STAG1: variants seen among roughly 807,000 people sequenced by gnomAD.
STAG1 encodes the protein STAG1 cohesin complex component, also known as cohesin subunit SA-1.
Under a neutral mutation model 170.9 loss-of-function variants are expected in STAG1, and 26 were observed. The ratio of observed to expected loss-of-function variants is 0.15; its 90% CI spans 0.11 to 0.21. STAG1 has a LOEUF of 0.21. STAG1 is among the 10% of genes least tolerant of loss of function. The pLI is 1.00. For synonymous variants in STAG1, 514 were observed against 497.7 expected (o/e 1.03, Z -0.44); for missense variants, 964 against 1,509.5 (o/e 0.64, Z 5.99).
intron 1 of STAG1, among the ~76,000 whole-genome samples, chr3:136,668,780 T>C (rs555735284): frequency 5.1e-4 from 78 of 152,332 alleles, no homozygotes; most frequent in African/African-American, 1.8e-3. Flanking sequence ...CTCAATGATG[T>C]AGCCAATCCC....
At position 136,707,411 on chromosome 3, in the gene STAG1, G is replaced by A. The variant is rs776861442; in HGVS notation, c.-84+44784C>T. On this transcript the variant is annotated intron_variant, in intron 1 of 33. Transcript: ENST00000383202. The stretch of plus-strand genomic sequence containing the variant: ...AGACATTTTTCCAAAGAAGATAAAC[G>A]AATGGCCAACAAGCACATGAAAAAA... Among the ~76,000 whole-genome samples, 43 of 152,060 alleles carry A rather than the reference G, an allele frequency of 2.8e-4. 1 individual carries two copies. The highest frequency in any genetic ancestry group is 3.2e-3 in the Middle Eastern group (1 of 316).
At chr3:136,443,450 AACT>A (rs751821279) in intron 14 of STAG1, 46 bp from the exon 15 acceptor site, 10 of 1,249,252 alleles carry the variant, frequency 8.0e-6, no homozygotes, top group Non-Finnish European at 1.2e-5. Context: ...TTAATAAAGA[AACT>A]ACTAATACTA....
At chr3:136,533,385 A>AT (rs1016398541) in intron 6 of STAG1, among the ~76,000 whole-genome samples, 2 of 151,626 alleles carry the variant, frequency 1.3e-5, no homozygotes, top group African/African-American at 4.8e-5. Flanking sequence ...TTTTATTTTT[A>AT]TTTTTTGCAT....
intron 6 of STAG1, among the ~76,000 whole-genome samples, chr3:136,529,305 A>C (rs554541972): frequency 6.6e-6 from 1 of 152,328 alleles, no homozygotes; most frequent in East Asian, 1.9e-4. Flanking sequence ...CAAGAGGCTA[A>C]GATCCAAAAA....
rs1936159090 is a variant in STAG1 at position 136,546,442 on chromosome 3, T to C, written c.395-4247A>G. ...GATATTATTAAAGAAAATCGAGAAC[T>C]CAGGCAAAAATTACACATTAGAGAC... On this transcript the variant is annotated intron_variant, in intron 5 of 33. Coordinates refer to ENST00000383202, the MANE Select transcript of STAG1 (RefSeq NM_005862.3). Among the ~76,000 whole-genome samples the C allele has an allele frequency of 2.6e-5, 4 of 152,032 alleles. 1 individual carries two copies. Among genetic ancestry groups the C allele is most frequent in the Admixed American group, 2.6e-4 (4 of 15,256 alleles).
At chr3:136,723,782 TG>T (rs1381120804) in intron 1 of STAG1, among the ~76,000 whole-genome samples, 10 of 111,620 alleles carry the variant, frequency 9.0e-5, no homozygotes, top group Non-Finnish European at 1.1e-4. Flanking sequence ...GGGAAGGAGG[TG>T]GGGGGGTCAG....
intron 6 of STAG1, among the ~76,000 whole-genome samples, chr3:136,535,304 G>A (rs1169916823): frequency 1.3e-5 from 2 of 152,190 alleles, no homozygotes; most frequent in Admixed American, 1.3e-4. Flanking sequence ...GAAGAAATAA[G>A]TTCTAATGTT....
At chr3:136,494,513 T>C (rs1039811684) in intron 9 of STAG1, among the ~76,000 whole-genome samples, 2 of 152,096 alleles carry the variant, frequency 1.3e-5, no homozygotes, top group African/African-American at 2.4e-5. Context: ...CTTATGAAAG[T>C]AAATGCACAA....
intron 6 of STAG1, among the ~76,000 whole-genome samples, chr3:136,527,740 T>C (rs569278927): frequency 6.6e-6 from 1 of 152,346 alleles, no homozygotes; most frequent in South Asian, 2.1e-4. Flanking sequence ...TCTTTGATGA[T>C]GTTGACATAC....
intron 22 of STAG1, among the ~76,000 whole-genome samples, chr3:136,396,774 C>A (rs956429432): frequency 1.9e-4 from 29 of 152,060 alleles, no homozygotes; most frequent in Non-Finnish European, 3.2e-4. Context: ...GATCTGCCCG[C>A]CTCGGCCTCC....
chr3:136,728,023 G>T (rs1159484535), intron 1 of STAG1, among the ~76,000 whole-genome samples: 1 of 152,074 alleles, frequency 6.6e-6, no homozygotes, highest in Non-Finnish European at 1.5e-5. Context: ...GCCAGGTGTG[G>T]TGGTGGGCAG....
intron 4 of STAG1, among the ~76,000 whole-genome samples, chr3:136,595,021 A>G (rs1352384470): frequency 6.6e-6 from 1 of 152,158 alleles, no homozygotes; most frequent in Non-Finnish European, 1.5e-5. Flanking sequence ...TGCCTGCTTC[A>G]GCCTCCCAAA....
At chr3:136,635,203 T>C (rs1465599184) in intron 1 of STAG1, among the ~76,000 whole-genome samples, 1 of 152,118 alleles carries the variant, frequency 6.6e-6, no homozygotes, top group East Asian at 1.9e-4. Flanking sequence ...AATAAACATA[T>C]ATGTGAAAAT....
intron 1 of STAG1, among the ~76,000 whole-genome samples, chr3:136,732,237 TAAAAAAAAAAA>T (rs71134406): frequency 1.2e-5 from 1 of 85,758 alleles, no homozygotes; most frequent in Admixed American, 1.3e-4. Context: ...TATCCACAAC[TAAAAAAAAAAA>T]AAAAAAAAAA....
chr3:136,438,058 A>G (rs1055571895), intron 15 of STAG1, among the ~76,000 whole-genome samples: 4 of 152,130 alleles, frequency 2.6e-5, no homozygotes, highest in Admixed American at 6.6e-5. Flanking sequence ...AAAATGCTCT[A>G]TATCATCTGA....
At chr3:136,633,709 AAGG>A (rs1253903355) in intron 1 of STAG1, among the ~76,000 whole-genome samples, 1 of 42,492 alleles carries the variant, frequency 2.4e-5, no homozygotes, top group African/African-American at 9.4e-5. Context: ...ATCAAAAAAA[AAGG>A]GGGGGGGGGG....
intron 3 of STAG1, chr3:136,609,657 G>A (rs112307587): frequency 4.8e-5 from 8 of 166,258 alleles, no homozygotes; most frequent in African/African-American, 1.4e-4. Context: ...GAATCCAGAG[G>A]AATATTTTTA....
At chr3:136,685,505 T>C (rs1220821893) in intron 1 of STAG1, among the ~76,000 whole-genome samples, 1 of 152,194 alleles carries the variant, frequency 6.6e-6, no homozygotes, top group Non-Finnish European at 1.5e-5. Context: ...TTGAAACATA[T>C]GTCCACACAC....
chr3:136,458,976 T>C (rs2089197303), intron 13 of STAG1, among the ~76,000 whole-genome samples: 1 of 151,796 alleles, frequency 6.6e-6, no homozygotes, highest in Non-Finnish European at 1.5e-5. Context: ...TCGCAGCACT[T>C]TGGGAGGCTG....
Sources: gnomAD v4.1 joint callset for allele counts (sites outside exome capture counted in the v4.1 genomes callset) on GRCh38, gnomAD v4.1.1 for gene constraint, MANE v1.5 for transcripts, NCBI Gene and HGNC (gene_info 2026-07-23, HGNC 2026-07-21) for gene names.